ENAH: variants seen among roughly 807,000 people sequenced by gnomAD.
ENAH encodes protein enabled homolog.
In ENAH, 23 loss-of-function variants were observed where a neutral mutation model predicts 78.7. The ratio of observed to expected loss-of-function variants is 0.29; its 90% CI spans 0.21 to 0.41. The LOEUF (loss-of-function observed/expected upper bound fraction) is 0.41. ENAH is among the 10% of genes least tolerant of loss of function. ENAH has a pLI of 1.00. For synonymous variants in ENAH, 226 were observed against 241.0 expected (o/e 0.94, Z 0.58); for missense variants, 544 against 691.0 (o/e 0.79, Z 2.39).
At chr1:225,586,279 A>G (rs1575616173) in intron 1 of ENAH, among the ~76,000 whole-genome samples, 4 of 140,112 alleles carry the variant, frequency 2.9e-5, no homozygotes, top group Admixed American at 7.1e-5. Flanking sequence ...GAGGAGAAGG[A>G]GGGGGAAGAA....
chr1:225,643,747 GCAA>G (rs961907692), intron 1 of ENAH, among the ~76,000 whole-genome samples: 4 of 152,062 alleles, frequency 2.6e-5, no homozygotes, highest in Non-Finnish European at 4.4e-5. Flanking sequence ...ACCAGCCTGG[GCAA>G]CATAGCGAGA....
chr1:225,498,284 T>A, intron 13 of ENAH, 63 bp downstream of exon 13: 1 of 1,347,824 alleles, frequency 7.4e-7, no homozygotes. Flanking sequence ...ATTTGCATTT[T>A]CTTAAAAATG....
intron 1 of ENAH, among the ~76,000 whole-genome samples, chr1:225,596,697 A>G (rs1435600433): frequency 8.5e-5 from 13 of 152,234 alleles, no homozygotes; most frequent in African/African-American, 3.1e-4. Flanking sequence ...TAATGTTTCT[A>G]TGAAGTTTTA....
At chr1:225,509,521 G>A (rs918494943) in intron 10 of ENAH, among the ~76,000 whole-genome samples, 3 of 152,064 alleles carry the variant, frequency 2.0e-5, no homozygotes, top group Non-Finnish European at 4.4e-5. Context: ...TTTCAGGAGG[G>A]GCAAGGCTGG....
chr1:225,564,173 T>C (rs1229850120), intron 2 of ENAH, among the ~76,000 whole-genome samples: 2 of 152,110 alleles, frequency 1.3e-5, no homozygotes, highest in Middle Eastern at 3.2e-3. Flanking sequence ...TGGAGTGCAG[T>C]GGCACAATCA....
Position 225,585,050 on chromosome 1 carries a change from A to C in ENAH, c.6-17636T>G, listed in dbSNP as rs572289543. 7.2e-4 allele frequency among the ~76,000 whole-genome samples: 109 copies of C among 151,976 alleles called. 1 individual carries two copies. The highest frequency in any genetic ancestry group is 2.5e-3 in the African/African-American group (102 of 41,472). On this transcript the variant is annotated intron_variant, in intron 1 of 13. Coordinates refer to ENST00000366843, the MANE Select transcript of ENAH (RefSeq NM_018212.6). ...GCCAACATGGTGAAACCATATCTCT[A>C]CTAAAAATACAAAAATTAGCCAGGC... is the stretch of plus-strand genomic sequence containing the variant.
intron 1 of ENAH, among the ~76,000 whole-genome samples, chr1:225,616,191 C>T (rs970649976): frequency 2.6e-5 from 4 of 152,174 alleles, no homozygotes; most frequent in African/African-American, 9.6e-5. Flanking sequence ...ACAAACACTG[C>T]GGAAGGCCGC....
At chr1:225,509,517 G>A (rs1393310581) in intron 10 of ENAH, among the ~76,000 whole-genome samples, 5 of 152,164 alleles carry the variant, frequency 3.3e-5, no homozygotes, top group Admixed American at 2.6e-4. Flanking sequence ...TGTGTTTCAG[G>A]AGGGGCAAGG....
chr1:225,617,333 C>T (rs1655940927), intron 1 of ENAH, among the ~76,000 whole-genome samples: 2 of 152,042 alleles, frequency 1.3e-5, no homozygotes, highest in South Asian at 4.1e-4. Context: ...AGTGTACTTC[C>T]AGGCCCTATA....
chr1:225,588,837 G>C (rs775883347), intron 1 of ENAH, among the ~76,000 whole-genome samples: 1 of 148,174 alleles, frequency 6.7e-6, no homozygotes, highest in Non-Finnish European at 1.5e-5. Context: ...GAAAAAACTT[G>C]GCAGTTTCTT....
At chr1:225,624,539 G>A (rs1575769805) in intron 1 of ENAH, among the ~76,000 whole-genome samples, 2 of 152,020 alleles carry the variant, frequency 1.3e-5, no homozygotes, top group African/African-American at 2.4e-5. Context: ...AAGGAGAATC[G>A]CTTGAACCTG....
intron 1 of ENAH, among the ~76,000 whole-genome samples, chr1:225,593,149 A>C (rs1273382264): frequency 6.6e-6 from 1 of 152,186 alleles, no homozygotes; most frequent in Non-Finnish European, 1.5e-5. Flanking sequence ...GGCACATAGT[A>C]GACCTTCCCC....
rs749425722 is a variant in ENAH, at chr1:225,496,424, G to A, written c.*1351C>T. On this transcript the variant is annotated 3_prime_UTR_variant, in exon 14 of 14. Transcript: ENST00000366843. ...TTTTCCTTTACCTAATGATTTCTGT[G>A]ACCTTAATTGCTGCCATCATTGTTA... 4 of 152,188 alleles carry A rather than the reference G, an allele frequency of 2.6e-5. No homozygotes were observed. Among genetic ancestry groups the A allele is most frequent in the Non-Finnish European group, 4.4e-5 (3 of 68,034 alleles). The allele number at this position is 152,188 out of a possible 1,614,324, so 9.4% of individuals were successfully genotyped here.
rs1163661674 is a variant in ENAH, at chr1:225,606,944, C to T, written c.6-39530G>A. ...ATCCAATAAAATAACTACGTACAGC[C>T]CAAGGTCCTGAATAATGCAGCTGAG... On this transcript the variant is annotated intron_variant, in intron 1 of 13. Coordinates refer to ENST00000366843, the MANE Select transcript of ENAH (RefSeq NM_018212.6). Among the ~76,000 whole-genome samples, 3 of 152,052 alleles carry T rather than the reference C, an allele frequency of 2.0e-5. No homozygotes were observed. The South Asian group carries it at 6.2e-4, about 32-fold the overall frequency.
At chr1:225,524,245 T>C (rs952580453) in intron 4 of ENAH, among the ~76,000 whole-genome samples, 1 of 152,218 alleles carries the variant, frequency 6.6e-6, no homozygotes, top group Non-Finnish European at 1.5e-5. Flanking sequence ...TTATTTAGTT[T>C]ATGTTGACTC....
chr1:225,558,490 G>A (rs1002889149), intron 2 of ENAH, among the ~76,000 whole-genome samples: 4 of 151,572 alleles, frequency 2.6e-5, no homozygotes, highest in African/African-American at 9.7e-5. Flanking sequence ...TTAAATGTCT[G>A]TAAGATTCAC....
chr1:225,503,658 C>CAAAA (rs10683254), intron 11 of ENAH, among the ~76,000 whole-genome samples: 30,653 of 83,396 alleles, frequency 0.37, 4,808 homozygotes, highest in African/African-American at 0.41. Context: ...CAAACCACCT[C>CAAAA]AAAAAAAAAA....
At chr1:225,505,021 A>G (rs1558714039) in intron 11 of ENAH, 1 of 1,613,076 alleles carries the variant, frequency 6.2e-7, no homozygotes, top group Non-Finnish European at 8.5e-7. Flanking sequence ...CCTGTTGTCA[A>G]AAACAATCTG....
At chr1:225,587,170 T>C (rs2096851715) in intron 1 of ENAH, among the ~76,000 whole-genome samples, 1 of 152,106 alleles carries the variant, frequency 6.6e-6, no homozygotes, top group South Asian at 2.1e-4. Flanking sequence ...CAACATTGTA[T>C]TGGTGGTCCT....
Sources: allele counts gnomAD v4.1 joint callset (sites outside exome capture counted in the v4.1 genomes callset), GRCh38; gene constraint gnomAD v4.1.1; transcripts MANE v1.5; gene names NCBI Gene and HGNC (gene_info 2026-07-23, HGNC 2026-07-21).